Variants in ZNF385D observed in about 807,000 individuals in gnomAD.
ZNF385D encodes the protein zinc finger protein 659.
ZNF385D carries 15 observed loss-of-function variants against 35.8 expected under a neutral mutation model. That is an observed-to-expected ratio of 0.42 (90% CI 0.28 to 0.64). The LOEUF is 0.64. Among genes scored for constraint, ZNF385D ranks in the 30% least tolerant of loss-of-function variants. The probability of loss-of-function intolerance (pLI) is 0.23; values close to 1 mark genes in which losing one functional copy is unlikely to be tolerated. For missense variants in ZNF385D, 474 were observed against 494.6 expected (o/e 0.96, Z 0.39); for synonymous variants, 212 against 186.8 (o/e 1.13, Z -1.10).
At chr3:21,929,069 G>A (rs1445679034) in intron 3 of ZNF385D, among the ~76,000 whole-genome samples, 1 of 152,002 alleles carries the variant, frequency 6.6e-6, no homozygotes, top group African/African-American at 2.4e-5. Context: ...ATAGATGCAA[G>A]ATCCCCAACA....
intron 3 of ZNF385D, among the ~76,000 whole-genome samples, chr3:21,904,746 G>T (rs532699416): frequency 2.4e-4 from 37 of 152,074 alleles, no homozygotes; most frequent in Non-Finnish European, 4.7e-4. Context: ...GCTAGATTTA[G>T]GGAGAAAGAA....
At chr3:22,083,430 A>T (rs1700862944) in intron 3 of ZNF385D, among the ~76,000 whole-genome samples, 1 of 152,204 alleles carries the variant, frequency 6.6e-6, no homozygotes. Flanking sequence ...GAACTACGTG[A>T]AGCATGCACA....
At chr3:21,894,131 G>A (rs531705965) in intron 3 of ZNF385D, among the ~76,000 whole-genome samples, 8 of 151,996 alleles carry the variant, frequency 5.3e-5, no homozygotes, top group South Asian at 2.1e-4. Context: ...ATATCAAAAC[G>A]TATTTTTAAA....
At chr3:21,596,343 G>A (rs1212764554) in intron 2 of ZNF385D, among the ~76,000 whole-genome samples, 1 of 152,132 alleles carries the variant, frequency 6.6e-6, no homozygotes, top group Non-Finnish European at 1.5e-5. Flanking sequence ...TCACAGAGCT[G>A]AAGATACTTA....
chr3:22,157,917 A>G (rs1705695430), intron 3 of ZNF385D, among the ~76,000 whole-genome samples: 1 of 152,134 alleles, frequency 6.6e-6, no homozygotes, highest in South Asian at 2.1e-4. Flanking sequence ...GCCAACCTTA[A>G]CTGGAATAGA....
rs913910194 is a variant in ZNF385D, at chr3:22,287,523, T to C, written c.106+84927A>G. On this transcript the variant is annotated intron_variant, in intron 2 of 5. Coordinates refer to the ZNF385D transcript ENST00000494108. ...GAATCATTTTTATCTTTTGTGTACC[T>C]ACTATGGGTTTTTGCTTTTTGGTTA... Among the ~76,000 whole-genome samples, 4 of 152,128 alleles carry C rather than the reference T, an allele frequency of 2.6e-5. No homozygotes were observed. In the East Asian group the frequency reaches 5.8e-4, roughly 22 times the overall value.
intron 2 of ZNF385D, among the ~76,000 whole-genome samples, chr3:22,208,708 A>T (rs959435919): frequency 2.7e-5 from 3 of 113,146 alleles, no homozygotes; most frequent in Admixed American, 2.4e-4. Context: ...ACCCACAAAA[A>T]GTAAAAATTA....
intron 3 of ZNF385D, among the ~76,000 whole-genome samples, chr3:22,030,023 G>A (rs929302801): frequency 6.6e-6 from 1 of 151,600 alleles, no homozygotes; most frequent in African/African-American, 2.4e-5. Flanking sequence ...GGTGGGCACA[G>A]CCTAATCAGC....
intron 3 of ZNF385D, among the ~76,000 whole-genome samples, chr3:21,893,367 A>C (rs546812321): frequency 3.3e-5 from 5 of 152,166 alleles, no homozygotes; most frequent in Non-Finnish European, 4.4e-5. Flanking sequence ...TAACAAACAA[A>C]AAAGTGCCTT....
chr3:22,234,818 C>A (rs933320162), intron 2 of ZNF385D, among the ~76,000 whole-genome samples: 2 of 151,964 alleles, frequency 1.3e-5, no homozygotes, highest in Non-Finnish European at 2.9e-5. Flanking sequence ...TGGGCCTGTA[C>A]ATTGTGAATG....
At chr3:21,778,573 T>G (rs1028176917) in intron 3 of ZNF385D, among the ~76,000 whole-genome samples, 1 of 151,776 alleles carries the variant, frequency 6.6e-6, no homozygotes, top group African/African-American at 2.4e-5. Flanking sequence ...AAAAACAAAA[T>G]CTACAATCAG....
chr3:21,836,710 T>A (rs896038643), intron 3 of ZNF385D, among the ~76,000 whole-genome samples: 8 of 152,118 alleles, frequency 5.3e-5, no homozygotes, highest in Non-Finnish European at 1.5e-5. Flanking sequence ...TTATAGACAC[T>A]AAGATTTGAA....
At position 22,009,641 on chromosome 3, in the gene ZNF385D, A is replaced by T. The variant is rs1442371507; in HGVS notation, c.325+159176T>A. ...CTGTCTCAAAAAAAAAAATAAAAAAAAAAAAGATTCAATGAGAAATCAAGG... is the reference window on the plus strand; with the variant it reads ...CTGTCTCAAAAAAAAAAATAAAAAATAAAAAGATTCAATGAGAAATCAAGG... On this transcript the variant is annotated intron_variant, in intron 3 of 5. Transcript: ENST00000494108. Among the ~76,000 whole-genome samples the T allele has an allele frequency of 2.0e-5, 3 of 151,876 alleles. No individual in the cohort carries two copies. The East Asian group carries it at 5.8e-4, about 29-fold the overall frequency.
At chr3:22,285,139 C>T (rs1253157251) in intron 2 of ZNF385D, among the ~76,000 whole-genome samples, 1 of 152,152 alleles carries the variant, frequency 6.6e-6, no homozygotes, top group African/African-American at 2.4e-5. Context: ...GGCAAACCAA[C>T]TGAATCACCA....
chr3:22,119,054 TAAATA>T (rs1702951304), intron 3 of ZNF385D, among the ~76,000 whole-genome samples: 1 of 152,088 alleles, frequency 6.6e-6, no homozygotes, highest in Admixed American at 6.6e-5. Context: ...TTAATTATCT[TAAATA>T]TAAAGGAATC....
intron 3 of ZNF385D, among the ~76,000 whole-genome samples, chr3:21,793,252 G>A (rs992973949): frequency 3.3e-5 from 5 of 152,150 alleles, no homozygotes; most frequent in Non-Finnish European, 5.9e-5. Flanking sequence ...TGGGTTCCTC[G>A]TTTATTAATA....
At chr3:22,368,872 A>C (rs1696777359) in intron 2 of ZNF385D, among the ~76,000 whole-genome samples, 1 of 152,176 alleles carries the variant, frequency 6.6e-6, no homozygotes, top group Admixed American at 6.5e-5. Context: ...CAGGCTCTAA[A>C]AAAGTAGAAG....
intron 3 of ZNF385D, among the ~76,000 whole-genome samples, chr3:22,030,299 A>ATATC (rs1559316685): frequency 5.1e-4 from 59 of 114,726 alleles, no homozygotes; most frequent in Admixed American, 1.1e-3. Flanking sequence ...ATATATATAT[A>ATATC]TATCCTATTT....
At chr3:21,624,938 G>A (rs2065096134) in intron 2 of ZNF385D, among the ~76,000 whole-genome samples, 1 of 151,898 alleles carries the variant, frequency 6.6e-6, no homozygotes, top group African/African-American at 2.4e-5. Flanking sequence ...AGTCACATAG[G>A]CTTTAAAAGG....
Sources: gnomAD v4.1 joint callset for allele counts (sites outside exome capture counted in the v4.1 genomes callset) on GRCh38, gnomAD v4.1.1 for gene constraint, MANE v1.5 for transcripts, NCBI Gene and HGNC (gene_info 2026-07-23, HGNC 2026-07-21) for gene names.